SLX4: variants seen among roughly 807,000 people sequenced by gnomAD.
SLX4 encodes the protein structure-specific endonuclease subunit SLX4.
SLX4 carries 112 observed loss-of-function variants against 146.2 expected under a neutral mutation model. The ratio of observed to expected loss-of-function variants is 0.77; its 90% CI spans 0.66 to 0.90. SLX4 has a LOEUF of 0.90. Among genes scored for constraint, SLX4 ranks in the 40% least tolerant of loss-of-function variants. The probability of loss-of-function intolerance (pLI) is 0.00; values close to 1 mark genes in which losing one functional copy is unlikely to be tolerated. For synonymous variants in SLX4, 1,061 were observed against 997.7 expected, an observed-to-expected ratio of 1.06 and a Z score of -1.20; for missense variants, 2,563 against 2,392.7, an observed-to-expected ratio of 1.07 and a Z score of -1.49.
intron 12 of SLX4, among the ~76,000 whole-genome samples, chr16:3,588,644 ACC>A (rs1219031902): frequency 1.3e-5 from 2 of 152,200 alleles, no homozygotes; most frequent in African/African-American, 2.4e-5. Context: ...CTGGAGAACC[ACC>A]CTGGTCCAAT....
intron 11 of SLX4, 134 bp downstream of exon 11, chr16:3,592,565 T>G: frequency 9.3e-7 from 1 of 1,079,430 alleles, no homozygotes; most frequent in Non-Finnish European, 1.4e-6. Flanking sequence ...GTCATGGACT[T>G]GGGATTAAAA....
At position 3,607,716 on chromosome 16, in the gene SLX4, A is replaced by C. The variant is rs1406767711; in HGVS notation, c.535+714T>G. Among the ~76,000 whole-genome samples the C allele has an allele frequency of 3.3e-5, 5 of 152,252 alleles. No homozygotes were observed. In the South Asian group the frequency reaches 6.2e-4, roughly 19 times the overall value. On this transcript the variant is annotated intron_variant, in intron 2 of 14. Coordinates refer to ENST00000294008, the MANE Select transcript of SLX4 (RefSeq NM_032444.4). ...CTAAGTAAGTAAATAAATCAATAAC[A>C]ATAACAAAGGAAAAGATTAAAAGGT... is the stretch of plus-strand genomic sequence containing the variant.
chr16:3,583,558 C>T, intron 13 of SLX4, 48 bp from the exon 14 acceptor site: 1 of 1,604,934 alleles, frequency 6.2e-7, no homozygotes, highest in Non-Finnish European at 8.5e-7. Flanking sequence ...ACAGCTGGTC[C>T]ACACTCCACG....
chr16:3,584,572 G>A (rs1051527232), intron 13 of SLX4, among the ~76,000 whole-genome samples, 197 bp downstream of exon 13: 16 of 152,174 alleles, frequency 1.1e-4, no homozygotes, highest in Non-Finnish European at 2.1e-4. Context: ...AGAACTGGGA[G>A]GCTCACCCCG....
chr16:3,602,339 A>G, intron 3 of SLX4, 32 bp from the exon 4 acceptor site: 1 of 1,611,128 alleles, frequency 6.2e-7, no homozygotes, highest in East Asian at 2.2e-5. Context: ...CCGTGAGAAT[A>G]AACTCCAAAG....
intron 3 of SLX4, among the ~76,000 whole-genome samples, chr16:3,605,986 G>A (rs1198029125): frequency 2.8e-5 from 4 of 142,144 alleles, no homozygotes; most frequent in African/African-American, 1.1e-4. Flanking sequence ...AGGGCCAGGT[G>A]CAATGGTTCA....
chr16:3,582,835 C>T (rs1264676380), intron 14 of SLX4, 142 bp from the exon 15 acceptor site: 1 of 889,616 alleles, frequency 1.1e-6, no homozygotes, highest in Non-Finnish European at 1.8e-6. Flanking sequence ...CAGGACGGGC[C>T]TGAGAGATCC....
intron 1 of SLX4, among the ~76,000 whole-genome samples, chr16:3,611,138 C>A (rs78928283): frequency 3.3e-5 from 5 of 152,196 alleles, no homozygotes; most frequent in African/African-American, 9.7e-5. Flanking sequence ...CCGCAGCCCA[C>A]GGCTCACAGC....
In SLX4 at chr16:3,591,283, C is replaced by T. The variant is rs1158415570; in HGVS notation, c.2355G>A (p.Leu785=). The T allele has an allele frequency of 6.2e-7, 1 of 1,612,044 alleles. No homozygotes were observed. The highest frequency in any genetic ancestry group is 1.3e-5 in the African/African-American group (1 of 74,952). Reference sequence around the variant, plus strand: ...CAGTGGCAATAGGCACCTGTTCGCACAGGTGAACGAGCTCACTCACGCCAA... The same window carrying T: ...CAGTGGCAATAGGCACCTGTTCGCATAGGTGAACGAGCTCACTCACGCCAA... ...HRFGVSELVH[L]CEQVPIATDS... Residue 785 remains leucine, a synonymous_variant, in exon 12 of 15, where the codon CTG becomes CTA. Transcript: ENST00000294008.
chr16:3,590,056 GATGGAA>G lies in SLX4; in HGVS notation c.3576_3581del (p.Ser1193_Ile1194del). The G allele has an allele frequency of 6.2e-7, 1 of 1,614,038 alleles. No homozygotes were observed. The highest frequency in any genetic ancestry group is 1.1e-5 in the South Asian group (1 of 91,084). ...GTTCCTGATCTGCATCAACATCAATGATGGAAAACAGCTCACAGGACCTAGGGCTAA... is the reference window on the plus strand; with the variant it reads ...GTTCCTGATCTGCATCAACATCAATGAACAGCTCACAGGACCTAGGGCTAA... On this transcript the variant is annotated inframe_deletion, in exon 12 of 15. Coordinates refer to ENST00000294008, the MANE Select transcript of SLX4 (RefSeq NM_032444.4). The surrounding 1 kb of genome is among the most constrained non-coding windows in gnomAD (Gnocchi z 4.8).
rs1158558800 is a variant in SLX4 at position 3,589,388 on chromosome 16, C to T, written c.4250G>A (p.Ser1417Asn). Residue 1417 changes from serine to asparagine, a missense_variant, in exon 12 of 15, where the codon AGT (serine) becomes AAT (asparagine). Coordinates refer to ENST00000294008, the MANE Select transcript of SLX4 (RefSeq NM_032444.4). This position sits in a 1 kb window ranked among gnomAD's most constrained non-coding sequence, Gnocchi z 6.2. ...GTCGTCAATTGGAATTGGGGGGTCA[C>T]TGTCCAGTGGGGGGCTTCTGTTGGC... is the stretch of plus-strand genomic sequence containing the variant. ...HQANRSPPLD[S>N]DPPIPIDDCC... 13 of 1,594,996 alleles carry T rather than the reference C, an allele frequency of 8.2e-6. No individual in the cohort carries two copies. Among genetic ancestry groups the T allele is most frequent in the Non-Finnish European group, 1.1e-5 (13 of 1,167,562 alleles).
chr16:3,603,939 G>A (rs1426239689), intron 3 of SLX4, among the ~76,000 whole-genome samples: 1 of 152,154 alleles, frequency 6.6e-6, no homozygotes, highest in Non-Finnish European at 1.5e-5. Context: ...CAAAAACTCA[G>A]TGTCATAGGG....
chr16:3,592,089 C>T (rs2040600338), intron 11 of SLX4, among the ~76,000 whole-genome samples: 1 of 152,260 alleles, frequency 6.6e-6, no homozygotes, highest in African/African-American at 2.4e-5. Context: ...GCCAGCCAGC[C>T]ACCTGCTTGA....
rs140600202 is a variant in SLX4, at chr16:3,591,279, C to T, written c.2359G>A (p.Glu787Lys). 1.2e-3 allele frequency: 1,879 copies of T among 1,612,302 alleles called. 3 individuals carry two copies. The highest frequency in any genetic ancestry group is 2.6e-3 in the Middle Eastern group (16 of 6,062). ...GAGTCAGTGGCAATAGGCACCTGTT[C>T]GCACAGGTGAACGAGCTCACTCACG... ...FGVSELVHLC[E>K]QVPIATDSEG... Residue 787 changes from glutamate to lysine, a missense_variant, in exon 12 of 15, where the codon GAA (glutamate) becomes AAA (lysine). Transcript: ENST00000294008.
chr16:3,611,153 G>C (rs1474717007), intron 1 of SLX4, among the ~76,000 whole-genome samples: 1 of 152,252 alleles, frequency 6.6e-6, no homozygotes, highest in Non-Finnish European at 1.5e-5. Flanking sequence ...CACAGCAGGC[G>C]AGGGATGAAT....
At chr16:3,585,410 C>T (rs1375893041) in intron 12 of SLX4, among the ~76,000 whole-genome samples, 1 of 152,100 alleles carries the variant, frequency 6.6e-6, no homozygotes, top group Admixed American at 6.5e-5. Flanking sequence ...CACGGTGAAA[C>T]CCCGTCTCTA....
At chr16:3,607,107 G>A (rs1035575819) in intron 2 of SLX4, among the ~76,000 whole-genome samples, 10 of 152,186 alleles carry the variant, frequency 6.6e-5, no homozygotes, top group Non-Finnish European at 1.0e-4. Flanking sequence ...AAAGGTTTAT[G>A]TCCTAGATCA....
intron 12 of SLX4, among the ~76,000 whole-genome samples, chr16:3,588,485 C>G (rs1765459661): frequency 6.6e-6 from 1 of 152,248 alleles, no homozygotes; most frequent in Non-Finnish European, 1.5e-5. Context: ...TGTTCATCTC[C>G]TGACGGGCAT....
Position 3,590,619 on chromosome 16 carries a change from G to T in SLX4, c.3019C>A (p.Gln1007Lys), listed in dbSNP as rs138798067. ...PSQITSEPEEQSGAVRERGLE... is the reference protein window; with the variant it reads ...PSQITSEPEEKSGAVRERGLE... ...CCCCTTTCCCTGACAGCGCCACTTT[G>T]TTCCTCGGGCTCACTTGTTATTTGG... The change falls in exon 12 of 15, where the codon CAA (glutamine) becomes AAA (lysine). Residue 1007 changes from glutamine (Q) to lysine (K), a missense_variant. Gln to Lys is a moderately conservative substitution (Grantham distance 53). Coordinates refer to ENST00000294008, the MANE Select transcript of SLX4 (RefSeq NM_032444.4). The surrounding 1 kb of genome is among the most constrained non-coding windows in gnomAD (Gnocchi z 4.8). The T allele has an allele frequency of 8.2e-5, 132 of 1,614,008 alleles. No homozygotes were observed. Among genetic ancestry groups the T allele is most frequent in the Non-Finnish European group, 1.1e-4 (127 of 1,180,006 alleles).
Sources: allele counts gnomAD v4.1 joint callset (sites outside exome capture counted in the v4.1 genomes callset), GRCh38; gene constraint gnomAD v4.1.1; non-coding constraint Gnocchi (gnomAD v3.1); transcripts MANE v1.5; gene names NCBI Gene and HGNC (gene_info 2026-07-23, HGNC 2026-07-21).